Variants in PNPLA1 observed in about 807,000 individuals in gnomAD.
The protein encoded by PNPLA1 is omega-hydroxyceramide transacylase.
PNPLA1 carries 36 observed loss-of-function variants against 51.7 expected under a neutral mutation model. The ratio of observed to expected loss-of-function variants is 0.70; its 90% confidence interval spans 0.53 to 0.92. PNPLA1 has a LOEUF of 0.92. Among genes scored for constraint, PNPLA1 ranks in the 40% least tolerant of loss-of-function variants. PNPLA1 has a pLI of 0.00. For synonymous variants in PNPLA1, 293 were observed against 280.1 expected (o/e 1.05, Z -0.46); for missense variants, 658 against 682.5 (o/e 0.96, Z 0.40).
At chr6:36,247,030 CT>C (rs1409328897) in intron 1 of PNPLA1, among the ~76,000 whole-genome samples, 1 of 152,206 alleles carries the variant, frequency 6.6e-6, no homozygotes, top group East Asian at 1.9e-4. Flanking sequence ...CTCCTGCCCC[CT>C]GCCTGGTGGT....
At chr6:36,293,265 C>A in intron 3 of PNPLA1, 139 bp downstream of exon 3, 1 of 871,148 alleles carries the variant, frequency 1.1e-6, no homozygotes, top group Non-Finnish European at 1.8e-6. Flanking sequence ...CATGTTGTTA[C>A]TCAGAATTCC....
intron 1 of PNPLA1, among the ~76,000 whole-genome samples, chr6:36,278,582 G>A (rs1046582771): frequency 2.6e-5 from 4 of 152,176 alleles, no homozygotes; most frequent in Non-Finnish European, 5.9e-5. Context: ...GGAAAAGCAG[G>A]GGACAGACAC....
intron 1 of PNPLA1, among the ~76,000 whole-genome samples, chr6:36,287,189 G>A (rs375012421): frequency 1.1e-4 from 16 of 152,042 alleles, no homozygotes; most frequent in Admixed American, 2.0e-4. Flanking sequence ...TTTATATTCC[G>A]TTGTTCACAC....
At position 36,294,292 on chromosome 6, in the gene PNPLA1, G is replaced by C. The variant is rs1387934173; in HGVS notation, c.607G>C (p.Asp203His). 1 of 1,614,192 alleles carries C rather than the reference G, an allele frequency of 6.2e-7. No individual in the cohort carries two copies. Among genetic ancestry groups the C allele is most frequent in the Non-Finnish European group, 8.5e-7 (1 of 1,180,030 alleles). ...FSGQQDICPR[D>H]CPAIFHDFRM... ...TGGGCAGCAGGACATCTGTCCCCGGGACTGCCCGGCCATCTTCCACGACTT... is the reference window on the plus strand; with the variant it reads ...TGGGCAGCAGGACATCTGTCCCCGGCACTGCCCGGCCATCTTCCACGACTT... Residue 203 changes from aspartate (D) to histidine (H), a missense_variant, in exon 4 of 9, where the codon GAC becomes CAC. Transcript: ENST00000636260. The surrounding 1 kb of genome is among the most constrained non-coding windows in gnomAD (Gnocchi z 4.2).
chr6:36,256,915 T>C (rs1046810230), intron 1 of PNPLA1, among the ~76,000 whole-genome samples: 1 of 152,164 alleles, frequency 6.6e-6, no homozygotes, highest in South Asian at 2.1e-4. Flanking sequence ...ACCCTCTTCA[T>C]AGGGGAGAGG....
intron 1 of PNPLA1, among the ~76,000 whole-genome samples, chr6:36,262,394 A>G (rs962998317): frequency 2.0e-5 from 3 of 152,314 alleles, no homozygotes; most frequent in Middle Eastern, 3.4e-3. Context: ...CTAATAATTC[A>G]ATTTCTTCAT....
Position 36,302,459 on chromosome 6 carries a change from A to G in PNPLA1, c.1374A>G (p.Glu458=), listed in dbSNP as rs1771093288. The change falls in exon 6 of 9, where the codon GAA becomes GAG. Residue 458 remains glutamate (E), a synonymous_variant. Transcript: ENST00000636260. ...CACCTGTGGAGGAACTAGGCCAAGAACAGCCCCAAGGTATGGACCCTTCTG... is the reference window on the plus strand; with the variant it reads ...CACCTGTGGAGGAACTAGGCCAAGAGCAGCCCCAAGGTATGGACCCTTCTG... ...AQPPVEELGQ[E]QPQAVALLVS... is the part of the protein sequence containing the mutation. 1 of 1,544,750 alleles carries G rather than the reference A, an allele frequency of 6.5e-7. No individual in the cohort carries two copies. Among genetic ancestry groups the G allele is most frequent in the South Asian group, 1.3e-5 (1 of 79,152 alleles).
At chr6:36,289,551 C>T (rs182788499) in intron 1 of PNPLA1, among the ~76,000 whole-genome samples, 3 of 152,052 alleles carry the variant, frequency 2.0e-5, no homozygotes, top group East Asian at 1.9e-4. Context: ...GTGACAATTA[C>T]GATGCTGCAT....
rs767505825 is a variant in PNPLA1, at chr6:36,299,335, G to GTTT, written c.776-2511_776-2509dup. Among the ~76,000 whole-genome samples the GTTT allele has an allele frequency of 4.5e-3, 264 of 58,776 alleles. 15 individuals are homozygous for GTTT. In the South Asian group the frequency reaches 0.083, roughly 18 times the overall value. The allele number at this position is 58,776 out of a possible 152,430, so 38.6% of individuals were successfully genotyped here. Reference sequence around the variant, plus strand: ...TGGGGTTTTTTTTGTTTTTTTGTCTGTTTTTTTTTTTTTTTTTGAGATGGA... The same window carrying GTTT: ...TGGGGTTTTTTTTGTTTTTTTGTCTGTTTTTTTTTTTTTTTTTTTTGAGATGGA... On this transcript the variant is annotated intron_variant, in intron 5 of 8. Transcript: ENST00000636260.
chr6:36,307,141 A>T (rs1268436315), intron 7 of PNPLA1, among the ~76,000 whole-genome samples: 1 of 152,054 alleles, frequency 6.6e-6, no homozygotes, highest in Non-Finnish European at 1.5e-5. Flanking sequence ...TTTCTCCATG[A>T]CCACAGCTGC....
chr6:36,310,727 C>T (rs1771389091), intron 8 of PNPLA1, among the ~76,000 whole-genome samples: 1 of 152,334 alleles, frequency 6.6e-6, no homozygotes, highest in Middle Eastern at 3.4e-3. Flanking sequence ...CTTAGTGATA[C>T]AGCCTACGAG....
At chr6:36,285,017 GC>G (rs1156650959) in intron 1 of PNPLA1, among the ~76,000 whole-genome samples, 2 of 152,282 alleles carry the variant, frequency 1.3e-5, no homozygotes, top group Non-Finnish European at 2.9e-5. Context: ...TCGGAGGCTG[GC>G]TGTCACTGTG....
At chr6:36,265,924 AT>A (rs1769748941), upstream of PNPLA1, among the ~76,000 whole-genome samples, 1 of 152,198 alleles carries the variant, frequency 6.6e-6, no homozygotes, top group Non-Finnish European at 1.5e-5. Flanking sequence ...TATAGCTGAG[AT>A]TACATCAGAG....
intron 6 of PNPLA1, 107 bp from the exon 7 acceptor site, chr6:36,306,185 T>G: frequency 1.2e-6 from 1 of 826,988 alleles, no homozygotes; most frequent in South Asian, 1.8e-5. Flanking sequence ...ACAAGAGAGT[T>G]CTTTGCTGTT....
chr6:36,274,792 G>T (rs1178020821), intron 1 of PNPLA1, among the ~76,000 whole-genome samples: 2 of 152,138 alleles, frequency 1.3e-5, no homozygotes, highest in Admixed American at 6.5e-5. Context: ...GACTGCTAGT[G>T]ATGTTCAGCA....
At position 36,292,291 on chromosome 6, in the gene PNPLA1, C is replaced by T. The variant is rs924049322; in HGVS notation, c.438+739C>T. Among the ~76,000 whole-genome samples the T allele has an allele frequency of 2.6e-5, 4 of 152,202 alleles. No individual in the cohort carries two copies. In the East Asian group the frequency reaches 5.8e-4, roughly 22 times the overall value. ...AGGCAGTGGGCACAGACACCACCTC[C>T]GTCCCTCAGGCCCCCTGGGTTTATC... is the stretch of plus-strand genomic sequence containing the variant. On this transcript the variant is annotated intron_variant, in intron 2 of 8. Coordinates refer to ENST00000636260, the MANE Select transcript of PNPLA1 (RefSeq NM_001374623.1).
intron 1 of PNPLA1, among the ~76,000 whole-genome samples, chr6:36,253,228 A>C (rs529740916): frequency 6.6e-6 from 1 of 152,318 alleles, no homozygotes; most frequent in East Asian, 1.9e-4. Flanking sequence ...GTTCAATACC[A>C]AATATACTAT....
upstream of PNPLA1, among the ~76,000 whole-genome samples, chr6:36,267,864 C>A (rs565456456): frequency 1.3e-5 from 2 of 152,202 alleles, no homozygotes; most frequent in Non-Finnish European, 2.9e-5. Context: ...ACCCAGCTTC[C>A]CCAGGTCTGT....
intron 8 of PNPLA1, among the ~76,000 whole-genome samples, chr6:36,311,150 T>C (rs1771399269): frequency 6.6e-6 from 1 of 152,216 alleles, no homozygotes; most frequent in Admixed American, 6.5e-5. Context: ...GTATTTCACA[T>C]AGTCCACCAG....
Sources: gnomAD v4.1 joint callset for allele counts (sites outside exome capture counted in the v4.1 genomes callset) on GRCh38, gnomAD v4.1.1 for gene constraint, Gnocchi (gnomAD v3.1) non-coding constraint, MANE v1.5 for transcripts, NCBI Gene and HGNC (gene_info 2026-07-23, HGNC 2026-07-21) for gene names.